The following UMODL1 variants were observed in gnomAD, a reference collection of about 807,000 sequenced individuals.
The protein encoded by UMODL1 is uromodulin-like 1.
A neutral mutation model predicts 136.3 loss-of-function variants in UMODL1; 128 were observed. The observed-to-expected ratio is 0.94, with a 90% CI of 0.81 to 1.09. UMODL1 has a LOEUF of 1.09. Ranked by LOEUF, UMODL1 falls within the 50% of genes least tolerant of loss-of-function variation. UMODL1 has a pLI of 0.00. For missense variants in UMODL1, 1,766 were observed against 1,725.6 expected (o/e 1.02, Z -0.41); for synonymous variants, 721 against 720.0 (o/e 1.00, Z -0.02).
chr21:42,113,862 G>A (rs1459727864), intron 13 of UMODL1, 32 bp downstream of exon 13: 6 of 1,591,914 alleles, frequency 3.8e-6, no homozygotes, highest in South Asian at 1.1e-5. Flanking sequence ...TTAAAGAGAG[G>A]AACAAAAAGT....
At chr21:42,065,421 G>T (rs2066175137) in intron 1 of UMODL1, among the ~76,000 whole-genome samples, 1 of 152,218 alleles carries the variant, frequency 6.6e-6, no homozygotes, top group South Asian at 2.1e-4. Flanking sequence ...CGTCCTAAGA[G>T]ATGATCCAGT....
intron 6 of UMODL1, among the ~76,000 whole-genome samples, chr21:42,091,254 A>G (rs1450556828): frequency 6.6e-6 from 1 of 152,222 alleles, no homozygotes; most frequent in Non-Finnish European, 1.5e-5. Context: ...ATTTTGGCGC[A>G]TGAAAGGGCA....
rs2066818019 is a variant in UMODL1 at position 42,111,136 on chromosome 21, C to T, written c.1899+15C>T. ...TGGAGCAGGAGGTGCCCAGCACTGC[C>T]CCGGGTCTGGGGATGGACCAGGGGA... On this transcript the variant is annotated intron_variant, in intron 11 of 22. Coordinates refer to ENST00000408910, the MANE Select transcript of UMODL1 (RefSeq NM_001004416.3). The T allele has an allele frequency of 6.2e-7, 1 of 1,600,280 alleles. No individual in the cohort carries two copies. Among genetic ancestry groups the T allele is most frequent in the Admixed American group, 1.7e-5 (1 of 57,226 alleles).
Position 42,085,603 on chromosome 21 carries a change from A to T in UMODL1, c.603+191A>T. The T allele has an allele frequency of 1.3e-6, 1 of 775,496 alleles. No homozygotes were observed. Among genetic ancestry groups the T allele is most frequent in the Non-Finnish European group, 2.0e-6 (1 of 492,672 alleles). The allele number at this position is 775,496 out of a possible 1,614,324, so 48.0% of individuals were successfully genotyped here. A position where few individuals can be genotyped will look rare whatever the true frequency, so the allele number is the denominator to read the frequency against. On this transcript the variant is annotated intron_variant, in intron 4 of 22. Coordinates refer to ENST00000408910, the MANE Select transcript of UMODL1 (RefSeq NM_001004416.3). The surrounding 1 kb of genome is among the most constrained non-coding windows in gnomAD (Gnocchi z 4.5). Reference sequence around the variant, plus strand: ...TTCAAAGAGGTATGATTTACATGCAACAAAATGCACACAACTGAAGCGTGT... The same window carrying T: ...TTCAAAGAGGTATGATTTACATGCATCAAAATGCACACAACTGAAGCGTGT...
At chr21:42,093,016 T>C (rs1414903858) in intron 6 of UMODL1, among the ~76,000 whole-genome samples, 1 of 152,154 alleles carries the variant, frequency 6.6e-6, no homozygotes, top group Non-Finnish European at 1.5e-5. Context: ...TGTGATGGGC[T>C]CTCCCCCGCC....
rs947178174 is a variant in UMODL1, at chr21:42,142,395, C to T, written c.*321C>T. 2.6e-5 allele frequency: 4 copies of T among 152,354 alleles called. No homozygotes were observed. The highest frequency in any genetic ancestry group is 7.2e-5 in the African/African-American group (3 of 41,468). The allele number at this position is 152,354 out of a possible 1,614,324, so 9.4% of individuals were successfully genotyped here. On this transcript the variant is annotated 3_prime_UTR_variant, in exon 23 of 23. Transcript: ENST00000408910. Reference sequence around the variant, plus strand: ...CAGTCCTGGGGGTGCTGCGGCTACACCACCACCCGCGCGGCCCCCGCAGCC... The same window carrying T: ...CAGTCCTGGGGGTGCTGCGGCTACATCACCACCCGCGCGGCCCCCGCAGCC...
rs181980353 is a variant in UMODL1, at chr21:42,083,759, C to A, written c.320-325C>A. On this transcript the variant is annotated intron_variant, in intron 2 of 22. Transcript: ENST00000408910. ...ATGAATGAATGAATGAATGAATGAGCTATCAGGACTTGAAGCAGCAAGGGG... is the reference window on the plus strand; with the variant it reads ...ATGAATGAATGAATGAATGAATGAGATATCAGGACTTGAAGCAGCAAGGGG... Among the ~76,000 whole-genome samples, 29 of 152,274 alleles carry A rather than the reference C, an allele frequency of 1.9e-4. No individual in the cohort carries two copies. The East Asian group carries it at 5.4e-3, about 28-fold the overall frequency.
intron 1 of UMODL1, among the ~76,000 whole-genome samples, chr21:42,072,681 G>A (rs2066244522): frequency 6.6e-6 from 1 of 152,228 alleles, no homozygotes; most frequent in South Asian, 2.1e-4. Flanking sequence ...TTATTTCACA[G>A]ATGACAAGAG....
chr21:42,129,993 C>T (rs1740098880), intron 21 of UMODL1, among the ~76,000 whole-genome samples, 196 bp downstream of exon 21: 1 of 152,226 alleles, frequency 6.6e-6, no homozygotes, highest in African/African-American at 2.4e-5. Flanking sequence ...AAGTTCTTTA[C>T]ATGCAGAATG....
At chr21:42,088,503 C>T in intron 5 of UMODL1, 23 bp downstream of exon 5, 2 of 1,579,696 alleles carry the variant, frequency 1.3e-6, no homozygotes, top group Middle Eastern at 1.7e-4. Context: ...TCAATCCTCC[C>T]TCTGGGGAGG....
chr21:42,084,846 CATT>C (rs2066407248), intron 3 of UMODL1, among the ~76,000 whole-genome samples: 1 of 150,034 alleles, frequency 6.7e-6, no homozygotes, highest in African/African-American at 2.5e-5. Flanking sequence ...AATACTATAT[CATT>C]ATACTACATG....
chr21:42,091,243 C>A (rs1371434191), intron 6 of UMODL1, among the ~76,000 whole-genome samples: 1 of 152,212 alleles, frequency 6.6e-6, no homozygotes. Flanking sequence ...GAAATGGAGA[C>A]ATTTTGGCGC....
chr21:42,111,975 C>T (rs1314232826), intron 12 of UMODL1, among the ~76,000 whole-genome samples: 2 of 152,118 alleles, frequency 1.3e-5, no homozygotes, highest in Middle Eastern at 3.2e-3. Flanking sequence ...GGGCGGAGGT[C>T]TGCCTTCAGG....
intron 2 of UMODL1, 122 bp from the exon 3 acceptor site, chr21:42,083,962 C>G (rs541707109): frequency 2.4e-6 from 3 of 1,274,580 alleles, no homozygotes; most frequent in South Asian, 2.8e-5. Flanking sequence ...GGATGGGCCC[C>G]GAACAGGCCA....
chr21:42,141,874 C>T lies in UMODL1; in HGVS notation c.*22-222C>T, dbSNP rs78803345. On this transcript the variant is annotated intron_variant, in intron 22 of 22. Transcript: ENST00000408910. The stretch of plus-strand genomic sequence containing the variant: ...CCACCAGTTGGCGTGTCAGGAGCAT[C>T]GCTCACCTGAGGGCAGGCACAGCCC... Among the ~76,000 whole-genome samples, 62 of 152,338 alleles carry T rather than the reference C, an allele frequency of 4.1e-4. 1 individual carries two copies. In the East Asian group the frequency reaches 9.5e-3, roughly 23 times the overall value.
chr21:42,129,034 C>A (rs1354095552), intron 20 of UMODL1, among the ~76,000 whole-genome samples: 1 of 151,696 alleles, frequency 6.6e-6, no homozygotes, highest in Non-Finnish European at 1.5e-5. Context: ...TGGCCTCGGG[C>A]GTTCCTTGGC....
At position 42,133,260 on chromosome 21, in the gene UMODL1, G is replaced by A. The variant is rs372463205; in HGVS notation, c.3775+3463G>A. 1.6e-3 allele frequency among the ~76,000 whole-genome samples: 241 copies of A among 152,322 alleles called. 13 individuals carry two copies. In the South Asian group the frequency reaches 0.048, roughly 31 times the overall value. The stretch of plus-strand genomic sequence containing the variant: ...GTTCCTCAGGACCTCACCGCTATCC[G>A]CGGCCTCTGAGATCCCACGCTCTGT... On this transcript the variant is annotated intron_variant, in intron 21 of 22. Coordinates refer to ENST00000408910, the MANE Select transcript of UMODL1 (RefSeq NM_001004416.3).
chr21:42,096,381 C>A (rs1357949062), intron 6 of UMODL1, among the ~76,000 whole-genome samples: 2 of 152,094 alleles, frequency 1.3e-5, no homozygotes, highest in Non-Finnish European at 2.9e-5. Context: ...GTTTGCAGGT[C>A]CCCCATCCAG....
chr21:42,126,578 A>C, intron 18 of UMODL1, 88 bp downstream of exon 18: 1 of 1,579,388 alleles, frequency 6.3e-7, no homozygotes, highest in Non-Finnish European at 8.6e-7. Flanking sequence ...CAACCACTTA[A>C]GGACCCTTCC....
Sources: allele counts gnomAD v4.1 joint callset (sites outside exome capture counted in the v4.1 genomes callset), GRCh38; gene constraint gnomAD v4.1.1; non-coding constraint Gnocchi (gnomAD v3.1); transcripts MANE v1.5; gene names NCBI Gene and HGNC (gene_info 2026-07-23, HGNC 2026-07-21).